Variants in CAMTA1 observed in about 807,000 individuals in gnomAD.
CAMTA1 encodes the protein calmodulin-binding transcription activator 1.
CAMTA1 carries 27 observed loss-of-function variants against 170.9 expected under a neutral mutation model. The observed-to-expected ratio is 0.16, with a 90% CI of 0.12 to 0.22. CAMTA1 has a LOEUF of 0.22. Among genes scored for constraint, CAMTA1 ranks in the 10% least tolerant of loss-of-function variants. The probability of loss-of-function intolerance (pLI) is 1.00; values close to 1 mark genes in which losing one functional copy is unlikely to be tolerated. For synonymous variants in CAMTA1, 833 were observed against 891.5 expected (o/e 0.93, Z 1.17); for missense variants, 1,619 against 2,217.2 (o/e 0.73, Z 5.42).
chr1:6,975,279 C>G (rs1381157927), intron 3 of CAMTA1, among the ~76,000 whole-genome samples: 1 of 152,216 alleles, frequency 6.6e-6, no homozygotes, highest in African/African-American at 2.4e-5. Context: ...GTAAGAGGAA[C>G]AGGAGTAAAC....
intron 5 of CAMTA1, among the ~76,000 whole-genome samples, chr1:7,462,967 G>A (rs547676977): frequency 1.2e-4 from 19 of 152,356 alleles, no homozygotes; most frequent in South Asian, 4.1e-4. Flanking sequence ...CACTGGGTCG[G>A]GGGCTCCTGG....
intron 5 of CAMTA1, among the ~76,000 whole-genome samples, chr1:7,335,059 C>A (rs960419160): frequency 4.0e-5 from 5 of 124,128 alleles, no homozygotes; most frequent in African/African-American, 1.5e-4. Context: ...CTCTGAGACA[C>A]CCCTGCTATG....
chr1:7,353,069 C>T (rs545051791), intron 5 of CAMTA1, among the ~76,000 whole-genome samples: 1 of 152,342 alleles, frequency 6.6e-6, no homozygotes, highest in African/African-American at 2.4e-5. Context: ...GAGAACCCAG[C>T]AGTTGGGAAC....
chr1:7,031,005 T>A (rs1284478374), intron 3 of CAMTA1, among the ~76,000 whole-genome samples: 3 of 147,014 alleles, frequency 2.0e-5, no homozygotes. Context: ...CAGCTAATTT[T>A]TTTTTTTTTT....
chr1:7,002,531 A>G (rs941992334), intron 3 of CAMTA1, among the ~76,000 whole-genome samples: 1 of 152,236 alleles, frequency 6.6e-6, no homozygotes, highest in Admixed American at 6.5e-5. Context: ...GGGGTCTAAT[A>G]AGAATACTTT....
intron 3 of CAMTA1, among the ~76,000 whole-genome samples, chr1:7,025,087 A>G (rs979570892): frequency 5.9e-5 from 9 of 152,188 alleles, no homozygotes; most frequent in Non-Finnish European, 1.0e-4. Flanking sequence ...GAAGGCTGGG[A>G]TATTTCCCAC....
chr1:7,639,827 G>A lies in CAMTA1; in HGVS notation c.511-573G>A, dbSNP rs2095746647. ...GCTGTTTGTCAGGGGAGAAGACCAC[G>A]GCTGAAGGCAGAGGGGCTCCAGCCC... On this transcript the variant is annotated intron_variant, in intron 6 of 22. Coordinates refer to ENST00000303635, the MANE Select transcript of CAMTA1 (RefSeq NM_015215.4). Among the ~76,000 whole-genome samples, 5 of 152,118 alleles carry A rather than the reference G, an allele frequency of 3.3e-5. No individual in the cohort carries two copies. In the South Asian group the frequency reaches 8.3e-4, roughly 25 times the overall value.
At chr1:7,147,543 T>G (rs576137134) in intron 4 of CAMTA1, among the ~76,000 whole-genome samples, 2 of 147,816 alleles carry the variant, frequency 1.4e-5, no homozygotes, top group African/African-American at 5.0e-5. Flanking sequence ...ACATACACTA[T>G]GCACACGCAA....
At chr1:7,028,233 T>C (rs1285208053) in intron 3 of CAMTA1, among the ~76,000 whole-genome samples, 1 of 152,200 alleles carries the variant, frequency 6.6e-6, no homozygotes, top group African/African-American at 2.4e-5. Context: ...CCTGACACTT[T>C]TCTGGGCCCA....
Position 7,565,223 on chromosome 1 carries a change from T to C in CAMTA1, c.511-75177T>C, listed in dbSNP as rs1354870142. ...GGGATCTCCATCTGTCCCTCCTCAT[T>C]CCCCGGAGAAGCACCCAGAGAGATG... On this transcript the variant is annotated intron_variant, in intron 6 of 22. Coordinates refer to ENST00000303635, the MANE Select transcript of CAMTA1 (RefSeq NM_015215.4). This position sits in a 1 kb window ranked among gnomAD's most constrained non-coding sequence, Gnocchi z 4.5. 6.6e-6 allele frequency among the ~76,000 whole-genome samples: 1 copy of C among 151,832 alleles called. No homozygotes were observed. The highest frequency in any genetic ancestry group is 2.4e-5 in the African/African-American group (1 of 41,326).
intron 3 of CAMTA1, among the ~76,000 whole-genome samples, chr1:6,931,084 G>A (rs1225873961): frequency 6.6e-6 from 1 of 152,176 alleles, no homozygotes; most frequent in Non-Finnish European, 1.5e-5. Flanking sequence ...TACAAGGCAT[G>A]GGGGCAAAAA....
chr1:7,106,053 A>G (rs1643550762), intron 4 of CAMTA1, among the ~76,000 whole-genome samples: 1 of 152,118 alleles, frequency 6.6e-6, no homozygotes, highest in South Asian at 2.1e-4. Flanking sequence ...TGTGTTTTCT[A>G]GTTATCTTAT....
intron 22 of CAMTA1, 41 bp downstream of exon 22, chr1:7,755,709 A>T: frequency 6.3e-7 from 1 of 1,592,630 alleles, no homozygotes; most frequent in East Asian, 2.2e-5. Flanking sequence ...CTTCTCTTCC[A>T]TTTTCAGTAT....
chr1:7,497,591 C>G (rs1173208071), intron 6 of CAMTA1, among the ~76,000 whole-genome samples: 1 of 152,214 alleles, frequency 6.6e-6, no homozygotes, highest in Non-Finnish European at 1.5e-5. Context: ...AAATCTCTCA[C>G]GTCACATTGC....
rs991957753 is a variant in CAMTA1 at position 7,665,236 on chromosome 1, C to T, written c.2652+37C>T. On this transcript the variant is annotated intron_variant, in intron 9 of 22. Coordinates refer to ENST00000303635, the MANE Select transcript of CAMTA1 (RefSeq NM_015215.4). The surrounding 1 kb of genome is among the most constrained non-coding windows in gnomAD (Gnocchi z 4.3). Reference sequence around the variant, plus strand: ...CCGCTGCCACCACCTGTCACCTCCCCTCCCACCCACCTCGCCAGCCCCTGC... The same window carrying T: ...CCGCTGCCACCACCTGTCACCTCCCTTCCCACCCACCTCGCCAGCCCCTGC... 2.1e-6 allele frequency: 3 copies of T among 1,422,756 alleles called. No individual in the cohort carries two copies. The highest frequency in any genetic ancestry group is 2.9e-5 in the African/African-American group (2 of 69,854). The allele number at this position is 1,422,756 out of a possible 1,614,324, so 88.1% of individuals were successfully genotyped here.
intron 5 of CAMTA1, among the ~76,000 whole-genome samples, chr1:7,411,495 C>T (rs528697504): frequency 7.9e-6 from 1 of 127,180 alleles, no homozygotes; most frequent in Non-Finnish European, 1.5e-5. Context: ...GCCGAGATTG[C>T]ACCACTGCAC....
chr1:7,205,125 G>A (rs943839249), intron 4 of CAMTA1, among the ~76,000 whole-genome samples: 7 of 151,530 alleles, frequency 4.6e-5, no homozygotes, highest in Admixed American at 2.6e-4. Flanking sequence ...CACCGCGCCC[G>A]GCCCAGAGTT....
In CAMTA1 at chr1:7,593,967, G is replaced by C. The variant is rs985976466; in HGVS notation, c.511-46433G>C. On this transcript the variant is annotated intron_variant, in intron 6 of 22. Coordinates refer to ENST00000303635, the MANE Select transcript of CAMTA1 (RefSeq NM_015215.4). Reference sequence around the variant, plus strand: ...TGAGGCAGGAGAATTGCTTGAACCTGGGAGGTGGAGGTTGCAGTGAGCCAA... The same window carrying C: ...TGAGGCAGGAGAATTGCTTGAACCTCGGAGGTGGAGGTTGCAGTGAGCCAA... Among the ~76,000 whole-genome samples, 5 of 151,358 alleles carry C rather than the reference G, an allele frequency of 3.3e-5. No individual in the cohort carries two copies. In the East Asian group the frequency reaches 6.0e-4, roughly 18 times the overall value.
chr1:7,140,692 G>A (rs74051148), intron 4 of CAMTA1, among the ~76,000 whole-genome samples: 7,761 of 152,204 alleles, frequency 0.051, 441 homozygotes, highest in African/African-American at 0.14. Flanking sequence ...TTTTGTTAAA[G>A]GTTCCACTTG....
Sources: gnomAD v4.1 joint callset for allele counts (sites outside exome capture counted in the v4.1 genomes callset) on GRCh38, gnomAD v4.1.1 for gene constraint, Gnocchi (gnomAD v3.1) non-coding constraint, MANE v1.5 for transcripts, NCBI Gene and HGNC (gene_info 2026-07-23, HGNC 2026-07-21) for gene names.